The following SOX6 variants were observed in gnomAD, a reference collection of about 807,000 sequenced individuals.
SOX6 encodes the protein transcription factor SOX-6.
Under a neutral mutation model 97.8 loss-of-function variants are expected in SOX6, and 11 were observed. The observed-to-expected ratio is 0.11, with a 90% CI of 0.07 to 0.19. The LOEUF (loss-of-function observed/expected upper bound fraction) is 0.19, where lower values mean the gene tolerates loss of function less well. SOX6 is among the 10% of genes least tolerant of loss of function. The pLI, the probability that SOX6 is intolerant of heterozygous loss-of-function variation, is 1.00. For synonymous variants in SOX6, 360 were observed against 371.4 expected, an observed-to-expected ratio of 0.97 and a Z score of 0.35; for missense variants, 810 against 1,039.5, an observed-to-expected ratio of 0.78 and a Z score of 3.04.
intron 4 of SOX6, among the ~76,000 whole-genome samples, chr11:16,202,969 G>A (rs1002391779): frequency 2.6e-5 from 4 of 152,100 alleles, no homozygotes; most frequent in Admixed American, 1.3e-4. Context: ...GCCATTCGTG[G>A]ATGTTTCAAG....
At chr11:16,278,075 C>A (rs945640002) in intron 3 of SOX6, among the ~76,000 whole-genome samples, 1 of 152,120 alleles carries the variant, frequency 6.6e-6, no homozygotes, top group Non-Finnish European at 1.5e-5. Flanking sequence ...CAACAATGAA[C>A]AATCCAGGCA....
At chr11:16,294,818 T>C (rs1381911720) in intron 3 of SOX6, among the ~76,000 whole-genome samples, 2 of 152,114 alleles carry the variant, frequency 1.3e-5, no homozygotes, top group African/African-American at 2.4e-5. Context: ...TTTAAAGATA[T>C]GAGTTAAAAG....
At chr11:16,547,336 C>T (rs1847632896) in intron 4 of SOX6, among the ~76,000 whole-genome samples, 2 of 151,984 alleles carry the variant, frequency 1.3e-5, no homozygotes. Flanking sequence ...GCACTATTCA[C>T]AATTGTAAAG....
At chr11:16,362,954 C>T (rs762119857) in intron 1 of SOX6, among the ~76,000 whole-genome samples, 3 of 152,214 alleles carry the variant, frequency 2.0e-5, no homozygotes, top group Non-Finnish European at 2.9e-5. Flanking sequence ...GGTACTATGC[C>T]GTTAACTTAT....
intron 7 of SOX6, among the ~76,000 whole-genome samples, chr11:16,101,634 G>A (rs1848948899): frequency 6.6e-6 from 1 of 151,622 alleles, no homozygotes; most frequent in Middle Eastern, 3.2e-3. Context: ...ATAAGTGAGT[G>A]TGAATGAACT....
At chr11:16,033,801 G>A (rs2133888915) in intron 12 of SOX6, among the ~76,000 whole-genome samples, 1 of 152,292 alleles carries the variant, frequency 6.6e-6, no homozygotes, top group African/African-American at 2.4e-5. Context: ...GAACCTAGGA[G>A]GTGGAGGTTG....
intron 6 of SOX6, among the ~76,000 whole-genome samples, chr11:16,157,888 T>A (rs981986310): frequency 1.3e-5 from 2 of 151,964 alleles, no homozygotes; most frequent in Non-Finnish European, 2.9e-5. Context: ...CAGATTCATA[T>A]CAAATGTCAC....
At chr11:16,017,883 T>G (rs1321194388) in intron 12 of SOX6, among the ~76,000 whole-genome samples, 2 of 152,018 alleles carry the variant, frequency 1.3e-5, no homozygotes, top group African/African-American at 4.8e-5. Context: ...GCAAAATACC[T>G]CAATGCTAAT....
At chr11:16,260,252 G>A (rs920845437) in intron 3 of SOX6, among the ~76,000 whole-genome samples, 5 of 151,924 alleles carry the variant, frequency 3.3e-5, no homozygotes, top group Non-Finnish European at 5.9e-5. Context: ...CACTCACCTC[G>A]GCCTCCCAAA....
intron 2 of SOX6, among the ~76,000 whole-genome samples, chr11:16,716,969 G>A (rs1355807036): frequency 1.3e-5 from 2 of 151,986 alleles, no homozygotes; most frequent in Non-Finnish European, 2.9e-5. Context: ...CCCAGGTAGT[G>A]GTTATATAGA....
chr11:16,560,147 G>A (rs1847792101), intron 4 of SOX6, among the ~76,000 whole-genome samples: 1 of 152,136 alleles, frequency 6.6e-6, no homozygotes, highest in Non-Finnish European at 1.5e-5. Context: ...TGTTTTCAAA[G>A]CCAATGCATT....
At chr11:16,078,716 G>A (rs1848410250) in intron 9 of SOX6, among the ~76,000 whole-genome samples, 2 of 152,076 alleles carry the variant, frequency 1.3e-5, no homozygotes, top group South Asian at 2.1e-4. Context: ...AGGTATATGA[G>A]TATGGGGTAG....
chr11:16,549,302 T>TGGTATTA (rs1275961430), intron 4 of SOX6, among the ~76,000 whole-genome samples: 6 of 152,250 alleles, frequency 3.9e-5, no homozygotes, highest in Admixed American at 2.0e-4. Context: ...CCCGAATAGC[T>TGGTATTA]GGTATTACAG....
At chr11:16,075,241 A>G (rs1307309827) in intron 9 of SOX6, among the ~76,000 whole-genome samples, 1 of 152,174 alleles carries the variant, frequency 6.6e-6, no homozygotes, top group African/African-American at 2.4e-5. Flanking sequence ...ATAAAGAAAA[A>G]GAGGTTTAAT....
At chr11:16,283,691 A>AG in intron 3 of SOX6, 2 of 226,082 alleles carry the variant, frequency 8.8e-6, no homozygotes, top group South Asian at 1.0e-4. Context: ...AGCACTACAT[A>AG]GCAAAAGAAA....
chr11:16,429,429 T>C (rs1859225064), intron 1 of SOX6, among the ~76,000 whole-genome samples: 1 of 152,108 alleles, frequency 6.6e-6, no homozygotes. Flanking sequence ...TCACCCTAAA[T>C]GCCATCAATG....
At chr11:16,073,826 T>C (rs1252102604) in intron 9 of SOX6, among the ~76,000 whole-genome samples, 1 of 152,190 alleles carries the variant, frequency 6.6e-6, no homozygotes, top group Non-Finnish European at 1.5e-5. Flanking sequence ...TTAAACAACA[T>C]GCTCCTGGAT....
chr11:16,049,328 C>T (rs1208793437), intron 11 of SOX6, among the ~76,000 whole-genome samples: 3 of 152,046 alleles, frequency 2.0e-5, no homozygotes, highest in African/African-American at 7.2e-5. Flanking sequence ...GTGTGTCATT[C>T]ACATTTGTTT....
At chr11:16,004,628 G>C (rs12574862) in intron 13 of SOX6, among the ~76,000 whole-genome samples, 13,893 of 151,812 alleles carry the variant, frequency 0.092, 1,303 homozygotes, top group East Asian at 0.36. Context: ...TATTTGAAAA[G>C]TGCCTAATAT....
Sources: allele counts gnomAD v4.1 joint callset (sites outside exome capture counted in the v4.1 genomes callset), GRCh38; gene constraint gnomAD v4.1.1; transcripts MANE v1.5; gene names NCBI Gene and HGNC (gene_info 2026-07-23, HGNC 2026-07-21).